Variants in METTL22 observed in about 807,000 individuals in gnomAD.
METTL22 encodes methyltransferase-like protein 22.
Under a neutral mutation model 48.4 loss-of-function variants are expected in METTL22, and 51 were observed. The observed-to-expected ratio is 1.05, with a 90% CI of 0.84 to 1.33. The LOEUF (loss-of-function observed/expected upper bound fraction) is 1.33, where lower values mean the gene tolerates loss of function less well. METTL22 is among the 40% of genes most tolerant of loss of function. The pLI is 0.00. For missense variants in METTL22, 678 were observed against 526.9 expected (o/e 1.29, Z -2.81); for synonymous variants, 255 against 214.1 (o/e 1.19, Z -1.67).
rs765319694 is a variant in METTL22 at position 8,646,252 on chromosome 16, A to G, written c.*109A>G. 4.3e-6 allele frequency: 6 copies of G among 1,386,010 alleles called. No homozygotes were observed. The highest frequency in any genetic ancestry group is 6.1e-6 in the Non-Finnish European group (6 of 985,652). 85.9% of individuals were successfully genotyped at this position (1,386,010 alleles called of 1,614,324 possible). On this transcript the variant is annotated 3_prime_UTR_variant, in exon 11 of 11. Coordinates refer to ENST00000381920, the MANE Select transcript of METTL22 (RefSeq NM_024109.4). ...CTTGAGATTTTGTCATTTTAAAAATATGGTTACACGTACCTTAGATGACCC... is the reference window on the plus strand; with the variant it reads ...CTTGAGATTTTGTCATTTTAAAAATGTGGTTACACGTACCTTAGATGACCC...
chr16:8,639,459 T>C, intron 6 of METTL22: 1 of 452,872 alleles, frequency 2.2e-6, no homozygotes, highest in Admixed American at 3.4e-5. Flanking sequence ...CCGTCCAAGA[T>C]GTCCTCATGA....
intron 1 of METTL22, chr16:8,623,643 G>A (rs796165584): frequency 6.6e-5 from 10 of 152,348 alleles, no homozygotes; most frequent in African/African-American, 2.4e-4. Context: ...CAGATTCACA[G>A]ACTTTCTTTA....
chr16:8,643,937 A>G (rs763335565), intron 9 of METTL22, among the ~76,000 whole-genome samples: 1 of 152,168 alleles, frequency 6.6e-6, no homozygotes, highest in Non-Finnish European at 1.5e-5. Flanking sequence ...CTCCTGTTGC[A>G]TGTCTGGAAT....
At position 8,629,083 on chromosome 16, in the gene METTL22, G is replaced by T. The variant is rs1345099673; in HGVS notation, c.487G>T (p.Gly163Cys). ...EDDVLGEEAQGSPHDIIRIEH... is the reference protein window; with the variant it reads ...EDDVLGEEAQCSPHDIIRIEH... ...CGACGTCCTGGGAGAGGAAGCACAA[G>T]GCAGCCCGCACGATATCATCAGAAT... Residue 163 changes from glycine to cysteine, a missense_variant, in exon 3 of 11, where the codon GGC becomes TGC. By Grantham distance (159) the Gly-to-Cys change is radical (BLOSUM62 -3). Transcript: ENST00000381920. 2.5e-6 allele frequency: 4 copies of T among 1,613,602 alleles called. No individual in the cohort carries two copies.
intron 5 of METTL22, among the ~76,000 whole-genome samples, chr16:8,636,394 A>G (rs926944141): frequency 6.6e-6 from 1 of 151,896 alleles, no homozygotes; most frequent in Non-Finnish European, 1.5e-5. Context: ...AATTAACCAG[A>G]TGTGGTAGCG....
intron 5 of METTL22, among the ~76,000 whole-genome samples, chr16:8,636,390 C>A (rs2056422193): frequency 6.6e-6 from 1 of 151,994 alleles, no homozygotes; most frequent in Non-Finnish European, 1.5e-5. Flanking sequence ...CAAGAATTAA[C>A]CAGATGTGGT....
chr16:8,646,560 T>TCA lies in METTL22; in HGVS notation c.*417_*418insCA, dbSNP rs2056805232. 2 of 482,346 alleles carry TCA rather than the reference T, an allele frequency of 4.1e-6. No individual in the cohort carries two copies. The highest frequency in any genetic ancestry group is 8.2e-6 in the Non-Finnish European group (2 of 244,526). 29.9% of individuals were successfully genotyped at this position (482,346 alleles called of 1,614,324 possible). Reference sequence around the variant, plus strand: ...TACCACTGCCAGTATTGCCATCATATTGCCGCTCGGCACAAAAGCCTCATT... The same window carrying TCA: ...TACCACTGCCAGTATTGCCATCATATCATGCCGCTCGGCACAAAAGCCTCATT... On this transcript the variant is annotated 3_prime_UTR_variant, in exon 11 of 11. Coordinates refer to ENST00000381920, the MANE Select transcript of METTL22 (RefSeq NM_024109.4).
chr16:8,646,661 G>A lies in METTL22; in HGVS notation c.*518G>A, dbSNP rs1050355541. ...TGAGAAGGAAGAGGCAGGAGCTGGC[G>A]CCAGGAATGGACTGGCATTGGCCTT... On this transcript the variant is annotated 3_prime_UTR_variant, in exon 11 of 11. Transcript: ENST00000381920. 12 of 457,986 alleles carry A rather than the reference G, an allele frequency of 2.6e-5. No homozygotes were observed. Among genetic ancestry groups the A allele is most frequent in the African/African-American group, 1.4e-4 (7 of 50,134 alleles). 28.4% of individuals were successfully genotyped at this position (457,986 alleles called of 1,614,324 possible).
In METTL22 at chr16:8,635,229, G is replaced by C; in HGVS notation, c.617G>C (p.Gly206Ala). ...CTGTTCCGACAGGACCTCTTCCGAG[G>C]ATGTACAGCGCTGGAGCTCGGGGCC... The part of the protein sequence containing the change: ...YILFRQDLFR[G>A]CTALELGAGT... Residue 206 changes from glycine to alanine, a missense_variant, in exon 5 of 11, where the codon GGA (glycine) becomes GCA (alanine). Gly to Ala is a moderately conservative substitution (Grantham distance 60). Transcript: ENST00000381920. 6.2e-7 allele frequency: 1 copy of C among 1,611,552 alleles called. No homozygotes were observed. The highest frequency in any genetic ancestry group is 8.5e-7 in the Non-Finnish European group (1 of 1,178,694).
At chr16:8,632,964 T>G (rs1487505621) in intron 3 of METTL22, among the ~76,000 whole-genome samples, 4 of 152,056 alleles carry the variant, frequency 2.6e-5, no homozygotes, top group Admixed American at 6.5e-5. Flanking sequence ...AAGGTTCCCC[T>G]GGCAGCAGGA....
At position 8,629,177 on chromosome 16, in the gene METTL22, C is replaced by A. The variant is rs1044780005; in HGVS notation, c.514+67C>A. On this transcript the variant is annotated intron_variant, in intron 3 of 10. Transcript: ENST00000381920. The stretch of plus-strand genomic sequence containing the variant: ...CTCCGCAGTGTCACTGCTCAGGGCT[C>A]AGTATGATCTGAGCGTGGACTCTGC... The A allele has an allele frequency of 2.6e-6, 4 of 1,552,848 alleles. No homozygotes were observed. The East Asian group carries it at 9.0e-5, about 35-fold the overall frequency.
rs1731000 is a variant in METTL22, at chr16:8,644,642, G to A, written c.1096G>A (p.Ala366Thr). 1 allele frequency: 1,603,411 copies of A among 1,607,196 alleles called. 799,903 individuals are homozygous for A. The highest frequency in any genetic ancestry group is 1 in the East Asian group (44,358 of 44,358). ...RSCLHALEQLADGKLRFVVEP... is the reference protein window; with the variant it reads ...RSCLHALEQLTDGKLRFVVEP... ...CTGCCTGCACGCGCTGGAGCAGCTC[G>A]CAGATGGCAAGCTGCGCTTCGTGGT... Residue 366 changes from alanine to threonine, a missense_variant, in exon 10 of 11, where the codon GCA (alanine) becomes ACA (threonine). Transcript: ENST00000381920.
At chr16:8,660,917 G>C in the METTL22 span, among the ~76,000 whole-genome samples, 2 of 148,722 alleles carry the variant, frequency 1.3e-5, no homozygotes, top group African/African-American at 2.5e-5. Flanking sequence ...GCTGTGCTGA[G>C]TGGGTGAGCG....
chr16:8,642,509 C>T lies in METTL22; in HGVS notation c.954C>T (p.Ser318=), dbSNP rs1567243885. The T allele has an allele frequency of 6.2e-7, 1 of 1,614,216 alleles. No individual in the cohort carries two copies. Among genetic ancestry groups the T allele is most frequent in the East Asian group, 2.2e-5 (1 of 44,878 alleles). The part of the protein sequence containing the change: ...DLTDAVFKTL[S]RLAHRLKNAC... Reference sequence around the variant, plus strand: ...CTGATGCTGTGTTTAAAACGCTCTCCCGACTCGCCCACAGATTGAAAAATG... The same window carrying T: ...CTGATGCTGTGTTTAAAACGCTCTCTCGACTCGCCCACAGATTGAAAAATG... The change falls in exon 9 of 11, where the codon TCC becomes TCT. Residue 318 remains serine, a synonymous_variant. Transcript: ENST00000381920.
intron 6 of METTL22, among the ~76,000 whole-genome samples, chr16:8,640,194 G>C (rs2056553290): frequency 6.6e-6 from 1 of 152,226 alleles, no homozygotes; most frequent in Non-Finnish European, 1.5e-5. Flanking sequence ...AATGTTTGTT[G>C]AGTGCTCAGG....
chr16:8,642,021 C>G, intron 7 of METTL22, 106 bp from the exon 8 acceptor site: 1 of 870,046 alleles, frequency 1.1e-6, no homozygotes, highest in East Asian at 2.5e-5. Flanking sequence ...CCGAGCTACC[C>G]CCAGCCCTGT....
chr16:8,625,928 C>T (rs768401818), intron 2 of METTL22, 130 bp downstream of exon 2: 1 of 1,139,226 alleles, frequency 8.8e-7, no homozygotes, highest in Non-Finnish European at 1.2e-6. Flanking sequence ...TTTTAAGTGC[C>T]CTTTTTTTCT....
At chr16:8,662,746 A>G in the METTL22 span, among the ~76,000 whole-genome samples, 1 of 144,088 alleles carries the variant, frequency 6.9e-6, no homozygotes, top group Non-Finnish European at 1.5e-5. Context: ...TGGTTAGAAC[A>G]TGGCACCTGG....
At chr16:8,631,597 C>G (rs1253580741) in intron 3 of METTL22, 1 of 152,212 alleles carries the variant, frequency 6.6e-6, no homozygotes, top group Admixed American at 6.5e-5. Flanking sequence ...GTCCTGGGGA[C>G]TGGCCCAAGC....
Sources: gnomAD v4.1 joint callset for allele counts (sites outside exome capture counted in the v4.1 genomes callset) on GRCh38, gnomAD v4.1.1 for gene constraint, MANE v1.5 for transcripts, NCBI Gene and HGNC (gene_info 2026-07-23, HGNC 2026-07-21) for gene names.